The following UBE2E3 variants were observed in gnomAD, a reference collection of about 807,000 sequenced individuals.
The protein encoded by UBE2E3 is ubiquitin conjugating enzyme E2 E3.
UBE2E3 carries 5 observed loss-of-function variants against 23.6 expected under a neutral mutation model. The observed-to-expected ratio is 0.21, with a 90% CI of 0.11 to 0.44. The LOEUF (loss-of-function observed/expected upper bound fraction) is 0.44, where lower values mean the gene tolerates loss of function less well. UBE2E3 is among the 20% of genes least tolerant of loss of function. The pLI, the probability that UBE2E3 is intolerant of heterozygous loss-of-function variation, is 0.99. For missense variants in UBE2E3, 81 were observed against 249.8 expected, an observed-to-expected ratio of 0.32 and a Z score of 4.55; for synonymous variants, 78 against 87.5, an observed-to-expected ratio of 0.89 and a Z score of 0.60.
chr2:180,987,084 C>T (rs1334701722), intron 3 of UBE2E3, among the ~76,000 whole-genome samples: 3 of 151,968 alleles, frequency 2.0e-5, no homozygotes, highest in Non-Finnish European at 4.4e-5. Context: ...GACGTTATTT[C>T]CAGTGATTTG....
intron 3 of UBE2E3, among the ~76,000 whole-genome samples, chr2:181,017,055 GGATTT>G (rs1685513960): frequency 6.6e-6 from 1 of 152,188 alleles, no homozygotes; most frequent in African/African-American, 2.4e-5. Context: ...AGGAGCAGCT[GGATTT>G]GATTTAAAAG....
intron 3 of UBE2E3, among the ~76,000 whole-genome samples, chr2:181,044,393 A>G (rs1215234169): frequency 6.6e-6 from 1 of 152,194 alleles, no homozygotes; most frequent in Admixed American, 6.5e-5. Flanking sequence ...CTATGGCACT[A>G]TGTATGGCAA....
chr2:181,025,113 A>G (rs1685842773), intron 3 of UBE2E3, among the ~76,000 whole-genome samples: 1 of 151,950 alleles, frequency 6.6e-6, no homozygotes, highest in South Asian at 2.1e-4. Context: ...TCAAGAAGTA[A>G]AAAATACCAA....
chr2:180,980,600 G>C (rs1268483805), upstream of UBE2E3: 1 of 147,658 alleles, frequency 6.8e-6, no homozygotes, highest in Non-Finnish European at 1.5e-5. This position sits in a 1 kb window ranked among gnomAD's most constrained non-coding sequence, Gnocchi z 5.5. Flanking sequence ...CCCCGCGCTC[G>C]CCTCGGAACT....
At chr2:180,988,806 G>A (rs548491022) in intron 3 of UBE2E3, among the ~76,000 whole-genome samples, 1 of 151,952 alleles carries the variant, frequency 6.6e-6, no homozygotes, top group African/African-American at 2.4e-5. Flanking sequence ...TAGATAGACT[G>A]CTTTTTCTTC....
chr2:181,022,992 C>T (rs558139433), intron 3 of UBE2E3, among the ~76,000 whole-genome samples: 68 of 152,298 alleles, frequency 4.5e-4, no homozygotes, highest in African/African-American at 1.4e-3. Context: ...AGATAGTCCC[C>T]GACCAACAGT....
intron 3 of UBE2E3, among the ~76,000 whole-genome samples, chr2:181,004,049 T>A (rs1287741762): frequency 6.6e-6 from 1 of 152,170 alleles, no homozygotes; most frequent in East Asian, 1.9e-4. Flanking sequence ...CAGGTGTGAA[T>A]GTGTGTGTGG....
chr2:181,019,952 A>G (rs1574188780), intron 3 of UBE2E3, among the ~76,000 whole-genome samples: 1 of 152,178 alleles, frequency 6.6e-6, no homozygotes, highest in African/African-American at 2.4e-5. Flanking sequence ...GAACTTGTTC[A>G]TCTTGCATAG....
chr2:181,053,123 A>C (rs1323191355), intron 3 of UBE2E3, among the ~76,000 whole-genome samples: 1 of 151,704 alleles, frequency 6.6e-6, no homozygotes, highest in Non-Finnish European at 1.5e-5. Flanking sequence ...TTGGTTTATA[A>C]AGATATGTTT....
intron 3 of UBE2E3, among the ~76,000 whole-genome samples, chr2:180,998,790 A>AT (rs1278914141): frequency 6.6e-6 from 1 of 152,218 alleles, no homozygotes; most frequent in Non-Finnish European, 1.5e-5. Flanking sequence ...AAAGCAACAG[A>AT]TACGTTTTTA....
intron 3 of UBE2E3, among the ~76,000 whole-genome samples, chr2:181,032,334 T>C (rs999680222): frequency 1.3e-5 from 2 of 152,184 alleles, no homozygotes; most frequent in Non-Finnish European, 2.9e-5. Context: ...ATTTTTTTCC[T>C]CTGGAGAGCC....
intron 3 of UBE2E3, among the ~76,000 whole-genome samples, chr2:181,034,095 C>T (rs1231733262): frequency 6.6e-6 from 1 of 152,160 alleles, no homozygotes; most frequent in Non-Finnish European, 1.5e-5. Context: ...TAAACTAGTT[C>T]AACCATTGTG....
intron 3 of UBE2E3, among the ~76,000 whole-genome samples, chr2:181,031,569 T>G (rs1234198697): frequency 6.6e-6 from 1 of 152,168 alleles, no homozygotes. Context: ...TTCATTATGA[T>G]AGGGGTTTGT....
At chr2:180,992,722 C>T (rs146777478) in intron 3 of UBE2E3, among the ~76,000 whole-genome samples, 55 of 152,076 alleles carry the variant, frequency 3.6e-4, no homozygotes, top group Admixed American at 5.9e-4. Context: ...AGTGAAATGG[C>T]GCAATGTCAG....
chr2:181,022,356 T>A lies in UBE2E3; in HGVS notation c.246-35337T>A, dbSNP rs541492714. Among the ~76,000 whole-genome samples the A allele has an allele frequency of 8.5e-5, 13 of 152,118 alleles. 1 individual carries two copies. The highest frequency in any genetic ancestry group is 1.9e-4 in the African/African-American group (8 of 41,508). ...TTATTCTCGGTGGTGTTATGTTCCA[T>A]AAAGTTGTCAAACACCGAATTAGCG... On this transcript the variant is annotated intron_variant, in intron 3 of 5. Transcript: ENST00000410062.
chr2:180,995,494 T>C (rs143800854), intron 3 of UBE2E3, among the ~76,000 whole-genome samples: 200 of 152,298 alleles, frequency 1.3e-3, no homozygotes, highest in African/African-American at 4.6e-3. Context: ...AGGTCAAGAA[T>C]AGGCTATTAA....
In UBE2E3 at chr2:180,982,131, C is replaced by T. The variant is rs1358410849; in HGVS notation, c.89C>T (p.Pro30Leu). ...GCGGACCAGCGAGACCCAGCCGCTC[C>T]AGAGCCTGAAGAACAAGAGGAAAGA... is the stretch of plus-strand genomic sequence containing the variant. ...SDADQRDPAA[P>L]EPEEQEERKP... Residue 30 changes from proline (P) to leucine (L), a missense_variant, in exon 2 of 6, where the codon CCA becomes CTA. Pro to Leu is a moderately conservative substitution (Grantham distance 98, BLOSUM62 -3). Coordinates refer to ENST00000410062, the MANE Select transcript of UBE2E3 (RefSeq NM_006357.4). The T allele has an allele frequency of 6.2e-7, 1 of 1,613,422 alleles. No homozygotes were observed. The highest frequency in any genetic ancestry group is 1.7e-5 in the Admixed American group (1 of 59,944).
chr2:181,050,220 A>G (rs985147369), intron 3 of UBE2E3, among the ~76,000 whole-genome samples: 5 of 152,106 alleles, frequency 3.3e-5, no homozygotes, highest in African/African-American at 9.6e-5. Context: ...TTCAAGCAAG[A>G]GTTACATACT....
chr2:181,021,158 T>C (rs1479069283), intron 3 of UBE2E3, among the ~76,000 whole-genome samples: 1 of 152,210 alleles, frequency 6.6e-6, no homozygotes, highest in African/African-American at 2.4e-5. Flanking sequence ...CATATAGTAA[T>C]GTAGTTGCGA....
Sources: allele counts gnomAD v4.1 joint callset (sites outside exome capture counted in the v4.1 genomes callset), GRCh38; gene constraint gnomAD v4.1.1; non-coding constraint Gnocchi (gnomAD v3.1); transcripts MANE v1.5; gene names NCBI Gene and HGNC (gene_info 2026-07-23, HGNC 2026-07-21).